The following TTLL10 variants were observed in gnomAD, a reference collection of about 807,000 sequenced individuals.
TTLL10 encodes tubulin tyrosine ligase like 10.
TTLL10 carries 61 observed loss-of-function variants against 69.0 expected under a neutral mutation model. That is an observed-to-expected ratio of 0.88 (90% CI 0.72 to 1.09). The LOEUF (loss-of-function observed/expected upper bound fraction) is 1.09, where lower values mean the gene tolerates loss of function less well. TTLL10 is among the 50% of genes least tolerant of loss of function. The probability of loss-of-function intolerance (pLI) is 0.00; values close to 1 mark genes in which losing one functional copy is unlikely to be tolerated. For missense variants in TTLL10, 962 were observed against 945.9 expected, an observed-to-expected ratio of 1.02 and a Z score of -0.22; for synonymous variants, 408 against 393.3, an observed-to-expected ratio of 1.04 and a Z score of -0.44.
At chr1:1,194,442 TG>T (rs1648054449) in intron 13 of TTLL10, among the ~76,000 whole-genome samples, 1 of 152,224 alleles carries the variant, frequency 6.6e-6, no homozygotes, top group African/African-American at 2.4e-5. Context: ...TGACCTTTTC[TG>T]GGGCTCTTTA....
chr1:1,175,617 C>A, intron 3 of TTLL10: 1 of 437,602 alleles, frequency 2.3e-6, no homozygotes. Flanking sequence ...TCCCGTCACC[C>A]CCACAGTCAC....
At position 1,179,431 on chromosome 1, in the gene TTLL10, G is replaced by C. The variant is rs113258684; in HGVS notation, c.118+98G>C. 3.0e-3 allele frequency: 3,874 copies of C among 1,306,272 alleles called. 5 individuals are homozygous for C. Among genetic ancestry groups the C allele is most frequent in the Non-Finnish European group, 3.8e-3 (3,526 of 926,902 alleles). 80.9% of individuals were successfully genotyped at this position (1,306,272 alleles called of 1,614,324 possible). Reference sequence around the variant, plus strand: ...CCAAGGAAGTCAGTCGGCCTCATGGGGCAGGGGCAGGATCCACACATGGCC... The same window carrying C: ...CCAAGGAAGTCAGTCGGCCTCATGGCGCAGGGGCAGGATCCACACATGGCC... On this transcript the variant is annotated intron_variant, in intron 4 of 15. Coordinates refer to ENST00000379289, the MANE Select transcript of TTLL10 (RefSeq NM_001130045.2).
intron 13 of TTLL10, among the ~76,000 whole-genome samples, chr1:1,190,036 C>T (rs951165625): frequency 4.7e-5 from 7 of 150,486 alleles, no homozygotes; most frequent in East Asian, 2.0e-4. Flanking sequence ...CGCGTGAACC[C>T]GGGAGGCGGA....
rs367856945 is a variant in TTLL10 at position 1,182,398 on chromosome 1, C to T, written c.868C>T (p.Arg290Cys). 2.4e-5 allele frequency: 39 copies of T among 1,613,816 alleles called. No individual in the cohort carries two copies. In the African/African-American group the frequency reaches 3.2e-4, roughly 13 times the overall value. Residue 290 changes from arginine to cysteine, a missense_variant, in exon 10 of 16, where the codon CGC becomes TGC. By Grantham distance (180) the Arg-to-Cys change is radical. Coordinates refer to ENST00000379289, the MANE Select transcript of TTLL10 (RefSeq NM_001130045.2). Reference protein sequence around the residue: ...RMEEFFPETYRLDLKHEREAF... With the variant: ...RMEEFFPETYCLDLKHEREAF... ...GGAAGAGTTTTTCCCAGAGACCTAC[C>T]GCCTGGACCTCAAACACGAGAGAGA...
Position 1,185,829 on chromosome 1 carries a change from C to A in TTLL10, c.1401+720C>A, listed in dbSNP as rs1010179299. 4 of 985,158 alleles carry A rather than the reference C, an allele frequency of 4.1e-6. No homozygotes were observed. The African/African-American group carries it at 5.2e-5, about 13-fold the overall frequency. 61.0% of individuals were successfully genotyped at this position (985,158 alleles called of 1,614,324 possible). A position where few individuals can be genotyped will look rare whatever the true frequency, so the allele number is the denominator to read the frequency against. ...CATCTCCCAAACTCTCTCTTAATTG[C>A]GATAATTCACAGAACATAAAATTCA... On this transcript the variant is annotated intron_variant, in intron 13 of 15. Coordinates refer to ENST00000379289, the MANE Select transcript of TTLL10 (RefSeq NM_001130045.2). This position sits in a 1 kb window ranked among gnomAD's most constrained non-coding sequence, Gnocchi z 6.1.
Position 1,180,208 on chromosome 1 carries a change from CG to C in TTLL10, c.376del (p.Asp126MetfsTer67), listed in dbSNP as rs1557475408. 6.2e-7 allele frequency: 1 copy of C among 1,611,120 alleles called. No individual in the cohort carries two copies. The highest frequency in any genetic ancestry group is 2.2e-5 in the East Asian group (1 of 44,816). On this transcript the variant is annotated frameshift_variant, in exon 6 of 16. Coordinates refer to ENST00000379289, the MANE Select transcript of TTLL10 (RefSeq NM_001130045.2). LOFTEE classifies it high-confidence loss of function. ...CTGAACAGCCACCGGCCTGCAGACT[CG>C]GATGACACTAACGCCGCCGGGCCCT... is the stretch of plus-strand genomic sequence containing the variant. Reference protein sequence around the residue: ...GLLNSHRPADSDDTNAAGPSA... With the variant: ...GLLNSHRPADXDDTNAAGPSA...
chr1:1,195,288 G>A (rs980398983), intron 13 of TTLL10, among the ~76,000 whole-genome samples: 6 of 152,074 alleles, frequency 3.9e-5, no homozygotes, highest in African/African-American at 9.6e-5. Context: ...CACTGCACCC[G>A]GCCTCCTTTT....
rs896103625 is a variant in TTLL10, at chr1:1,180,449, G to A, written c.507-34G>A. On this transcript the variant is annotated intron_variant, in intron 6 of 15. Transcript: ENST00000379289. ...CCGCCATCCCCAACCCCTTGCCTCG[G>A]CCCCCAGGTCACCCCCGCCCCCACC... 2.0e-5 allele frequency: 30 copies of A among 1,505,892 alleles called. No homozygotes were observed. In the Admixed American group the frequency reaches 4.4e-4, roughly 22 times the overall value. The allele number at this position is 1,505,892 out of a possible 1,614,324, so 93.3% of individuals were successfully genotyped here. A position where few individuals can be genotyped will look rare whatever the true frequency, so the allele number is the denominator to read the frequency against.
chr1:1,197,431 G>C lies in TTLL10; in HGVS notation c.1613-7G>C, dbSNP rs1347504631. ...CCCACTCACCCTCTCTCCCCCACCC[G>C]CACCAGACCTGGTGCTCGAGACCTT... is the stretch of plus-strand genomic sequence containing the variant. On this transcript the variant is annotated splice_region_variant and splice_polypyrimidine_tract_variant and intron_variant, in intron 15 of 15. Coordinates refer to ENST00000379289, the MANE Select transcript of TTLL10 (RefSeq NM_001130045.2). 1.6e-6 allele frequency: 2 copies of C among 1,236,014 alleles called. No homozygotes were observed. Among genetic ancestry groups the C allele is most frequent in the Admixed American group, 5.6e-5 (2 of 35,960 alleles). The allele number at this position is 1,236,014 out of a possible 1,614,324, so 76.6% of individuals were successfully genotyped here.
intron 13 of TTLL10, among the ~76,000 whole-genome samples, chr1:1,189,330 G>T (rs1647574065): frequency 6.6e-6 from 1 of 152,156 alleles, no homozygotes. Flanking sequence ...GAAGGATGTT[G>T]AAATCTGTCA....
At position 1,180,762 on chromosome 1, in the gene TTLL10, C is replaced by T. The variant is rs753532754; in HGVS notation, c.657C>T (p.Asn219=). The change falls in exon 8 of 16, where the codon AAC becomes AAT. Residue 219 remains asparagine (N), a synonymous_variant. Coordinates refer to ENST00000379289, the MANE Select transcript of TTLL10 (RefSeq NM_001130045.2). ...AGCTGCTGTACCAGCTTCCCAACAACAAGCTCCTCACCACCAAGATCGGGC... is the reference window on the plus strand; with the variant it reads ...AGCTGCTGTACCAGCTTCCCAACAATAAGCTCCTCACCACCAAGATCGGGC... ...GEQLLYQLPN[N]KLLTTKIGLL... is the part of the protein sequence containing the mutation. The T allele has an allele frequency of 6.2e-7, 1 of 1,608,714 alleles. No individual in the cohort carries two copies. The highest frequency in any genetic ancestry group is 8.5e-7 in the Non-Finnish European group (1 of 1,178,062).
chr1:1,177,600 C>T (rs1182563757), intron 3 of TTLL10, among the ~76,000 whole-genome samples: 5 of 152,320 alleles, frequency 3.3e-5, no homozygotes, highest in Non-Finnish European at 7.4e-5. Flanking sequence ...CGTGAGCCTC[C>T]GCGCCCGGCT....
chr1:1,189,797 A>C (rs2100906534), intron 13 of TTLL10, among the ~76,000 whole-genome samples: 1 of 152,244 alleles, frequency 6.6e-6, no homozygotes, highest in South Asian at 2.1e-4. Context: ...TCTAATCTTT[A>C]GTCTGCTTTA....
intron 13 of TTLL10, among the ~76,000 whole-genome samples, chr1:1,191,268 C>A (rs1307772150): frequency 6.6e-6 from 1 of 152,134 alleles, no homozygotes; most frequent in Non-Finnish European, 1.5e-5. Flanking sequence ...AGAGAACATA[C>A]TTTATAATTT....
intron 3 of TTLL10, 140 bp from the exon 4 acceptor site, chr1:1,179,045 CCGCA>C: frequency 1.7e-6 from 1 of 577,770 alleles, no homozygotes; most frequent in Non-Finnish European, 3.0e-6. Context: ...CGGGAGCCAG[CCGCA>C]CGCAGAGGCT....
Position 1,183,906 on chromosome 1 carries a change from C to T in TTLL10, c.1089-14C>T. The T allele has an allele frequency of 1.2e-6, 2 of 1,614,042 alleles. No homozygotes were observed. Among genetic ancestry groups the T allele is most frequent in the Non-Finnish European group, 8.5e-7 (1 of 1,179,958 alleles). Reference sequence around the variant, plus strand: ...CCGTGGCTCAGCCCAGCAGCCCCGACATGGTGCCCCCAGGTACATCCAGAA... The same window carrying T: ...CCGTGGCTCAGCCCAGCAGCCCCGATATGGTGCCCCCAGGTACATCCAGAA... On this transcript the variant is annotated splice_polypyrimidine_tract_variant and intron_variant, in intron 11 of 15. Transcript: ENST00000379289.
rs748096585 is a variant in TTLL10, at chr1:1,182,910, C to T, written c.951C>T (p.Ser317=). Residue 317 remains serine, a synonymous_variant, in exon 11 of 16, where the codon TCC becomes TCT. Transcript: ENST00000379289. ...TATGGATCTGCAAGCCCACAGCCTC[C>T]AACCAGGGCAAAGGCATCTTCCTGC... ...TQIWICKPTA[S]NQGKGIFLLR... 1.3e-6 allele frequency: 2 copies of T among 1,594,560 alleles called. No individual in the cohort carries two copies. The highest frequency in any genetic ancestry group is 1.7e-6 in the Non-Finnish European group (2 of 1,170,820).
chr1:1,177,912 G>A (rs140699951), intron 3 of TTLL10, among the ~76,000 whole-genome samples: 1 of 152,300 alleles, frequency 6.6e-6, no homozygotes, highest in East Asian at 1.9e-4. Flanking sequence ...CTAGGAAGAG[G>A]GCGTGAGGCT....
intron 11 of TTLL10, among the ~76,000 whole-genome samples, chr1:1,183,313 C>T (rs1647137661): frequency 6.6e-6 from 1 of 152,178 alleles, no homozygotes; most frequent in African/African-American, 2.4e-5. Context: ...GGTGGCCTGG[C>T]CTGGGTGGCC....
Sources: allele counts gnomAD v4.1 joint callset (sites outside exome capture counted in the v4.1 genomes callset), GRCh38; gene constraint gnomAD v4.1.1; non-coding constraint Gnocchi (gnomAD v3.1); transcripts MANE v1.5; gene names NCBI Gene and HGNC (gene_info 2026-07-23, HGNC 2026-07-21).